The following NXPE2 variants were observed in gnomAD, a reference collection of about 807,000 sequenced individuals.
The protein encoded by NXPE2 is neurexophilin and PC-esterase domain family member 2.
A neutral mutation model predicts 34.4 loss-of-function variants in NXPE2; 34 were observed. The ratio of observed to expected loss-of-function variants is 0.99; its 90% CI spans 0.75 to 1.31. The LOEUF is 1.31. Among genes scored for constraint, NXPE2 ranks in the 40% most tolerant of loss-of-function variants. The pLI is 0.00. For missense variants in NXPE2, 649 were observed against 672.5 expected (o/e 0.97, Z 0.39); for synonymous variants, 235 against 231.3 (o/e 1.02, Z -0.15).
intron 3 of NXPE2, among the ~76,000 whole-genome samples, chr11:114,699,773 T>C (rs1401713716): frequency 6.7e-6 from 1 of 149,492 alleles, no homozygotes; most frequent in Non-Finnish European, 1.5e-5. Context: ...CATTAAGTGT[T>C]AACTACTTTT....
chr11:114,489,659 G>T, the NXPE2 span, among the ~76,000 whole-genome samples: 1 of 152,158 alleles, frequency 6.6e-6, no homozygotes, highest in Non-Finnish European at 1.5e-5. Context: ...ATTCAACAAC[G>T]CTTCATGCTA....
At chr11:114,669,556 C>G in the NXPE2 span, among the ~76,000 whole-genome samples, 1 of 152,052 alleles carries the variant, frequency 6.6e-6, no homozygotes, top group Non-Finnish European at 1.5e-5. Context: ...AGAGCAGAAG[C>G]ACTTTTCTAG....
chr11:114,537,740 C>G, the NXPE2 span, among the ~76,000 whole-genome samples: 1 of 151,882 alleles, frequency 6.6e-6, no homozygotes, highest in East Asian at 1.9e-4. Flanking sequence ...TGAAGGACCT[C>G]TTCAAGGAGA....
the NXPE2 span, among the ~76,000 whole-genome samples, chr11:114,602,734 A>G: frequency 6.9e-6 from 1 of 144,438 alleles, no homozygotes; most frequent in African/African-American, 2.5e-5. Flanking sequence ...TATCTCATAT[A>G]TAATTAAAGA....
At chr11:114,521,864 A>C in the NXPE2 span, 2 of 907,376 alleles carry the variant, frequency 2.2e-6, no homozygotes, top group Non-Finnish European at 3.4e-6. Context: ...GATTCTTTTA[A>C]ATTTATTTTC....
the NXPE2 span, among the ~76,000 whole-genome samples, chr11:114,545,637 G>T: frequency 0.014 from 2,081 of 152,020 alleles, 51 homozygotes; most frequent in African/African-American, 0.048. Flanking sequence ...TGATACTGTT[G>T]TGTATACATG....
At chr11:114,560,510 G>A in the NXPE2 span, among the ~76,000 whole-genome samples, 2 of 152,004 alleles carry the variant, frequency 1.3e-5, no homozygotes, top group Non-Finnish European at 2.9e-5. Flanking sequence ...CAAGTGGTCT[G>A]TCTTCCTCGG....
the NXPE2 span, among the ~76,000 whole-genome samples, chr11:114,801,663 AAGAAAAGGAG>A: frequency 2.3e-3 from 2 of 862 alleles, no homozygotes; most frequent in African/African-American, 2.8e-3. Flanking sequence ...CCAGGATGTG[AAGAAAAGGAG>A]AAGAAAAGGA....
chr11:114,725,967 TA>T, the NXPE2 span, among the ~76,000 whole-genome samples: 381 of 77,036 alleles, frequency 4.9e-3, 13 homozygotes, highest in African/African-American at 0.014. Flanking sequence ...TAAAGTATAA[TA>T]AAAAAAAAAT....
the NXPE2 span, among the ~76,000 whole-genome samples, chr11:114,794,311 C>A: frequency 6.6e-6 from 1 of 152,104 alleles, no homozygotes; most frequent in African/African-American, 2.4e-5. Context: ...AAGCACCCTT[C>A]CCCCTGCTTG....
At chr11:114,530,895 A>G in the NXPE2 span, 2 of 1,608,252 alleles carry the variant, frequency 1.2e-6, no homozygotes, top group Non-Finnish European at 8.5e-7. Context: ...GGATAAGTTT[A>G]GAGCAGACCA....
At chr11:114,513,301 G>A in the NXPE2 span, 1 of 456,624 alleles carries the variant, frequency 2.2e-6, no homozygotes, top group South Asian at 2.1e-5. Flanking sequence ...TGAAAGGTCT[G>A]GGTGGGATCA....
the NXPE2 span, among the ~76,000 whole-genome samples, chr11:114,559,257 T>C: frequency 2.0e-5 from 3 of 152,170 alleles, no homozygotes; most frequent in African/African-American, 4.8e-5. Context: ...CTAGACTCTA[T>C]AGTCAGTGAA....
chr11:114,691,132 G>C (rs1458550827), intron 2 of NXPE2, among the ~76,000 whole-genome samples: 1 of 152,100 alleles, frequency 6.6e-6, no homozygotes, highest in African/African-American at 2.4e-5. Flanking sequence ...ATCCTTTGGA[G>C]GTGATGAAAC....
chr11:114,721,286 T>C, the NXPE2 span, among the ~76,000 whole-genome samples: 1 of 151,896 alleles, frequency 6.6e-6, no homozygotes, highest in Non-Finnish European at 1.5e-5. Flanking sequence ...ACTCTGCTGT[T>C]CTGTGTGCCT....
At chr11:114,717,788 A>T in the NXPE2 span, among the ~76,000 whole-genome samples, 2 of 152,148 alleles carry the variant, frequency 1.3e-5, no homozygotes, top group Non-Finnish European at 2.9e-5. Context: ...TGTGTAAACC[A>T]CAACTGGATG....
chr11:114,570,703 G>T, the NXPE2 span: 1 of 374,414 alleles, frequency 2.7e-6, no homozygotes, highest in African/African-American at 2.1e-5. Flanking sequence ...GAGGGGTATG[G>T]CTCTGATCAA....
chr11:114,622,756 AG>A, the NXPE2 span, among the ~76,000 whole-genome samples: 1 of 152,030 alleles, frequency 6.6e-6, no homozygotes, highest in Non-Finnish European at 1.5e-5. Flanking sequence ...CCAGCGGATA[AG>A]TGTTGCCTCA....
At chr11:114,709,195 C>T (rs1859564916), downstream of NXPE2, among the ~76,000 whole-genome samples, 1 of 152,222 alleles carries the variant, frequency 6.6e-6, no homozygotes, top group South Asian at 2.1e-4. Context: ...TCAATAGCCA[C>T]ATGGAGCTAG....
Sources: allele counts gnomAD v4.1 joint callset (sites outside exome capture counted in the v4.1 genomes callset), GRCh38; gene constraint gnomAD v4.1.1; transcripts MANE v1.5; gene names NCBI Gene and HGNC (gene_info 2026-07-23, HGNC 2026-07-21).